The following NEGR1 variants were observed in gnomAD, a reference collection of about 807,000 sequenced individuals.
The protein encoded by NEGR1 is IgLON family member 4.
Under a neutral mutation model 40.9 loss-of-function variants are expected in NEGR1, and 10 were observed. The observed-to-expected ratio is 0.24, with a 90% confidence interval of 0.15 to 0.42. NEGR1 has a LOEUF of 0.42. Ranked by LOEUF, NEGR1 falls within the 10% of genes least tolerant of loss-of-function variation. The pLI is 1.00. For synonymous variants in NEGR1, 185 were observed against 166.8 expected (o/e 1.11, Z -0.84); for missense variants, 352 against 438.9 (o/e 0.80, Z 1.77).
rs1275520759 is a variant in NEGR1, at chr1:71,524,438, C to G, written c.940+68379G>C. Among the ~76,000 whole-genome samples the G allele has an allele frequency of 2.0e-5, 3 of 148,410 alleles. No individual in the cohort carries two copies. The Admixed American group carries it at 2.0e-4, about 10-fold the overall frequency. On this transcript the variant is annotated intron_variant, in intron 6 of 6. Coordinates refer to ENST00000357731, the MANE Select transcript of NEGR1 (RefSeq NM_173808.3). ...ATAATCTTTTCAATGAAAATCATTA[C>G]CTTTTTAATAGTAAAATAGTTGCTT...
At chr1:72,104,405 G>A (rs755428085) in intron 1 of NEGR1, among the ~76,000 whole-genome samples, 1 of 152,004 alleles carries the variant, frequency 6.6e-6, no homozygotes, top group Non-Finnish European at 1.5e-5. Flanking sequence ...CGTGATTGCT[G>A]GATTTTAGGA....
intron 2 of NEGR1, among the ~76,000 whole-genome samples, chr1:71,801,481 G>A (rs1265034387): frequency 1.3e-5 from 2 of 152,108 alleles, no homozygotes; most frequent in South Asian, 2.1e-4. Flanking sequence ...ATCTCAACAT[G>A]TCTAATGAAA....
intron 1 of NEGR1, among the ~76,000 whole-genome samples, chr1:72,155,700 T>C (rs948064689): frequency 3.9e-5 from 6 of 152,058 alleles, no homozygotes; most frequent in African/African-American, 1.4e-4. Flanking sequence ...GAATGATATA[T>C]TGAATTTCAG....
chr1:71,864,768 C>T (rs188004921), intron 2 of NEGR1, among the ~76,000 whole-genome samples: 1 of 152,170 alleles, frequency 6.6e-6, no homozygotes, highest in African/African-American at 2.4e-5. Context: ...AAAACACAAA[C>T]AGAAGAACTC....
At chr1:71,811,271 A>G (rs1372511671) in intron 2 of NEGR1, among the ~76,000 whole-genome samples, 2 of 152,084 alleles carry the variant, frequency 1.3e-5, no homozygotes, top group African/African-American at 4.8e-5. Context: ...ATTTATTTTT[A>G]TAGCAACTCT....
intron 1 of NEGR1, among the ~76,000 whole-genome samples, chr1:72,007,658 A>C: frequency 6.6e-6 from 1 of 152,174 alleles, no homozygotes; most frequent in East Asian, 1.9e-4. Context: ...TTAAAAGTGA[A>C]CTAGTTAAAA....
At chr1:72,258,717 C>T (rs895826502) in intron 1 of NEGR1, among the ~76,000 whole-genome samples, 3 of 152,028 alleles carry the variant, frequency 2.0e-5, no homozygotes, top group South Asian at 2.1e-4. Context: ...ATAATGAGTA[C>T]TGAGAAATAG....
chr1:71,953,995 C>A (rs1646095659), intron 1 of NEGR1, among the ~76,000 whole-genome samples: 1 of 151,758 alleles, frequency 6.6e-6, no homozygotes, highest in African/African-American at 2.4e-5. Context: ...TAAGCCTATA[C>A]CATAAGAGAC....
chr1:72,251,497 T>G (rs960686615), intron 1 of NEGR1, among the ~76,000 whole-genome samples: 1 of 152,174 alleles, frequency 6.6e-6, no homozygotes, highest in Admixed American at 6.5e-5. Flanking sequence ...CTCCTGGAGA[T>G]AGCAAAATCT....
chr1:71,969,358 A>G (rs546490460), intron 1 of NEGR1, among the ~76,000 whole-genome samples: 6 of 152,296 alleles, frequency 3.9e-5, no homozygotes, highest in South Asian at 4.1e-4. Flanking sequence ...ATATACCATC[A>G]TGTTCTAAGA....
intron 4 of NEGR1, among the ~76,000 whole-genome samples, chr1:71,644,771 A>T (rs1651477069): frequency 6.6e-6 from 1 of 151,986 alleles, no homozygotes; most frequent in South Asian, 2.1e-4. Context: ...AGTAATTATT[A>T]TTAACATTGA....
intron 3 of NEGR1, among the ~76,000 whole-genome samples, chr1:71,700,134 G>C (rs1040955111): frequency 2.0e-5 from 3 of 151,944 alleles, no homozygotes; most frequent in African/African-American, 7.2e-5. Flanking sequence ...GATTGATCAT[G>C]TCATAAATAA....
chr1:71,934,102 A>G (rs1645880923), intron 2 of NEGR1, among the ~76,000 whole-genome samples: 1 of 152,106 alleles, frequency 6.6e-6, no homozygotes, highest in African/African-American at 2.4e-5. Context: ...ACATTATCAC[A>G]TAATTTGTTA....
At chr1:71,985,625 T>A (rs184798620) in intron 1 of NEGR1, among the ~76,000 whole-genome samples, 9 of 152,336 alleles carry the variant, frequency 5.9e-5, no homozygotes, top group Non-Finnish European at 4.4e-5. Context: ...TTCTATGTAA[T>A]GACTTTGAAA....
At chr1:71,972,560 T>C (rs538893326) in intron 1 of NEGR1, among the ~76,000 whole-genome samples, 1 of 152,336 alleles carries the variant, frequency 6.6e-6, no homozygotes, top group East Asian at 1.9e-4. Flanking sequence ...ACTTTATTTA[T>C]GTTGCTTCTC....
chr1:72,047,674 A>G (rs1471813313), intron 1 of NEGR1, among the ~76,000 whole-genome samples: 1 of 151,424 alleles, frequency 6.6e-6, no homozygotes, highest in Non-Finnish European at 1.5e-5. Context: ...AAATACTCCT[A>G]TTATAAGTAA....
intron 1 of NEGR1, among the ~76,000 whole-genome samples, chr1:71,960,374 T>C (rs1442922236): frequency 1.3e-5 from 2 of 152,218 alleles, no homozygotes; most frequent in Admixed American, 1.3e-4. Context: ...TGTGCCTTGT[T>C]TTATATTCTA....
chr1:72,092,567 T>G (rs1040969929), intron 1 of NEGR1, among the ~76,000 whole-genome samples: 2 of 152,162 alleles, frequency 1.3e-5, no homozygotes, highest in Non-Finnish European at 2.9e-5. Context: ...GGTAATCATG[T>G]TTTTCTCATT....
At chr1:71,770,114 A>G (rs1332228704) in intron 3 of NEGR1, among the ~76,000 whole-genome samples, 1 of 152,212 alleles carries the variant, frequency 6.6e-6, no homozygotes, top group African/African-American at 2.4e-5. Flanking sequence ...TCACACTAGG[A>G]ATTTTGAAAA....
Sources: gnomAD v4.1 joint callset for allele counts (sites outside exome capture counted in the v4.1 genomes callset) on GRCh38, gnomAD v4.1.1 for gene constraint, MANE v1.5 for transcripts, NCBI Gene and HGNC (gene_info 2026-07-23, HGNC 2026-07-21) for gene names.